TIA1: variants seen among roughly 807,000 people sequenced by gnomAD.
TIA1 encodes cytotoxic granule associated RNA binding protein TIA1.
A neutral mutation model predicts 65.9 loss-of-function variants in TIA1; 23 were observed. The observed-to-expected ratio is 0.35, with a 90% CI of 0.25 to 0.49. TIA1 has a LOEUF of 0.49. TIA1 is among the 20% of genes least tolerant of loss of function. The pLI, the probability that TIA1 is intolerant of heterozygous loss-of-function variation, is 0.98. For synonymous variants in TIA1, 147 were observed against 149.4 expected (o/e 0.98, Z 0.12); for missense variants, 371 against 477.9 (o/e 0.78, Z 2.09).
At chr2:70,228,775 A>C in intron 5 of TIA1, 1 of 1,324,916 alleles carries the variant, frequency 7.5e-7, no homozygotes, top group East Asian at 3.1e-5. Context: ...ATGAAGCCCA[A>C]ATGGTGACCT....
Position 70,224,399 on chromosome 2 carries a change from T to C in TIA1, c.474+155A>G. On this transcript the variant is annotated intron_variant, in intron 7 of 12. Coordinates refer to ENST00000433529, the MANE Select transcript of TIA1 (RefSeq NM_022173.4). ...TCTGCATGCCTCAGGTGCCAATAAA[T>C]GTTAAACAGACAAAACAGAAGAAAT... The C allele has an allele frequency of 9.3e-6, 10 of 1,078,618 alleles. No homozygotes were observed. The South Asian group carries it at 1.6e-4, about 18-fold the overall frequency. The allele number at this position is 1,078,618 out of a possible 1,614,324, so 66.8% of individuals were successfully genotyped here. A position where few individuals can be genotyped will look rare whatever the true frequency, so the allele number is the denominator to read the frequency against.
chr2:70,219,290 G>A (rs1252402643), intron 7 of TIA1, among the ~76,000 whole-genome samples: 3 of 152,154 alleles, frequency 2.0e-5, no homozygotes, highest in African/African-American at 7.2e-5. Context: ...GTATGGTCCA[G>A]GGAGCCAAGA....
Position 70,230,802 on chromosome 2 carries a change from G to A in TIA1, c.176C>T (p.Ala59Val). 1 of 1,612,722 alleles carries A rather than the reference G, an allele frequency of 6.2e-7. No homozygotes were observed. Among genetic ancestry groups the A allele is most frequent in the Non-Finnish European group, 8.5e-7 (1 of 1,179,554 alleles). Residue 59 changes from alanine (A) to valine (V), a missense_variant, in exon 3 of 13, where the codon GCA (alanine) becomes GTA (valine). Coordinates refer to ENST00000433529, the MANE Select transcript of TIA1 (RefSeq NM_022173.4). ...ATTCATAGCAGCTAATGCTGCAGCT[G>A]CATGACGATGCTCATGAAACTCCAC... ...CFVEFHEHRH[A>V]AAALAAMNGR... is the part of the protein sequence containing the mutation.
rs1353886161 is a variant in TIA1, at chr2:70,239,254, G to A, written c.27-3079C>T. Among the ~76,000 whole-genome samples, 6 of 152,114 alleles carry A rather than the reference G, an allele frequency of 3.9e-5. No homozygotes were observed. In the East Asian group the frequency reaches 9.7e-4, roughly 25 times the overall value. Reference sequence around the variant, plus strand: ...ACTACAGGCACCCGCCACCACGCCCGGCTAGTTTTTTGTATTTTTAGTAGA... The same window carrying A: ...ACTACAGGCACCCGCCACCACGCCCAGCTAGTTTTTTGTATTTTTAGTAGA... On this transcript the variant is annotated intron_variant, in intron 1 of 12. Transcript: ENST00000433529.
At chr2:70,224,701 C>T in intron 6 of TIA1, 72 bp from the exon 7 acceptor site, 1 of 1,568,290 alleles carries the variant, frequency 6.4e-7, no homozygotes, top group Non-Finnish European at 8.7e-7. Context: ...ATTTCACACA[C>T]AACTCATTCT....
intron 6 of TIA1, among the ~76,000 whole-genome samples, chr2:70,226,518 C>CA (rs1433933040): frequency 6.6e-6 from 1 of 152,096 alleles, no homozygotes; most frequent in Non-Finnish European, 1.5e-5. Flanking sequence ...GAAGCAGCAG[C>CA]AAAGATCTAG....
At chr2:70,225,014 T>C (rs1683190554) in intron 6 of TIA1, 6 of 996,140 alleles carry the variant, frequency 6.0e-6, no homozygotes, top group Non-Finnish European at 7.2e-6. Flanking sequence ...TGACACTATA[T>C]TCTACCTAAT....
At chr2:70,233,872 G>A (rs754937542) in intron 2 of TIA1, among the ~76,000 whole-genome samples, 17 of 151,880 alleles carry the variant, frequency 1.1e-4, no homozygotes, top group African/African-American at 2.2e-4. Flanking sequence ...AATAAGAATC[G>A]AAGCATATAT....
chr2:70,222,521 A>G (rs1681920248), intron 7 of TIA1, among the ~76,000 whole-genome samples: 1 of 152,224 alleles, frequency 6.6e-6, no homozygotes, highest in Admixed American at 6.5e-5. Flanking sequence ...GGTAATTGCA[A>G]TCAGGGCTGT....
chr2:70,213,946 C>T (rs1677450530), intron 12 of TIA1, among the ~76,000 whole-genome samples: 1 of 152,156 alleles, frequency 6.6e-6, no homozygotes, highest in African/African-American at 2.4e-5. Flanking sequence ...ACTACCACGC[C>T]CAGCCCACTA....
At chr2:70,226,912 A>T (rs1245282969) in intron 6 of TIA1, among the ~76,000 whole-genome samples, 1 of 152,142 alleles carries the variant, frequency 6.6e-6, no homozygotes, top group African/African-American at 2.4e-5. Context: ...CCTAAAATTC[A>T]CCAATACTAC....
At chr2:70,247,112 T>C (rs968505394) in intron 1 of TIA1, among the ~76,000 whole-genome samples, 1 of 152,132 alleles carries the variant, frequency 6.6e-6, no homozygotes, top group Non-Finnish European at 1.5e-5. Flanking sequence ...AGTAGTTTTT[T>C]AGGGAGTATT....
intron 4 of TIA1, 78 bp downstream of exon 4, chr2:70,229,182 CATGT>C: frequency 6.3e-7 from 1 of 1,597,948 alleles, no homozygotes; most frequent in South Asian, 1.1e-5. Context: ...TTACTGCAAA[CATGT>C]ATGATGTTTA....
At chr2:70,243,875 A>G (rs1403628114) in intron 1 of TIA1, among the ~76,000 whole-genome samples, 1 of 152,186 alleles carries the variant, frequency 6.6e-6, no homozygotes, top group African/African-American at 2.4e-5. Flanking sequence ...AATTACAGGC[A>G]CTGCTTTCTC....
intron 12 of TIA1, 96 bp downstream of exon 12, chr2:70,214,253 G>T (rs1677597426): frequency 7.6e-7 from 1 of 1,322,728 alleles, no homozygotes; most frequent in Non-Finnish European, 1.0e-6. Context: ...TTACATAAGA[G>T]GCCCTATTAC....
At chr2:70,230,973 A>G in intron 2 of TIA1, 119 bp from the exon 3 acceptor site, 2 of 664,428 alleles carry the variant, frequency 3.0e-6, no homozygotes, top group Non-Finnish European at 5.1e-6. Flanking sequence ...GGCCATGGAG[A>G]ATGAATGGTC....
chr2:70,223,053 C>T (rs1197407388), intron 7 of TIA1, among the ~76,000 whole-genome samples: 3 of 152,240 alleles, frequency 2.0e-5, no homozygotes. Flanking sequence ...CTAGTTCATA[C>T]TAAATACACA....
chr2:70,223,037 T>C (rs191404223), intron 7 of TIA1, among the ~76,000 whole-genome samples: 3 of 152,376 alleles, frequency 2.0e-5, no homozygotes, highest in Admixed American at 1.3e-4. Context: ...CCTTTGCTAT[T>C]TGACTCTAGT....
chr2:70,216,814 G>C (rs1359814731), intron 8 of TIA1, 72 bp downstream of exon 8: 1 of 1,610,908 alleles, frequency 6.2e-7, no homozygotes, highest in Admixed American at 1.7e-5. Flanking sequence ...TCCGGGAACA[G>C]CTCTAACATT....
Sources: allele counts gnomAD v4.1 joint callset (sites outside exome capture counted in the v4.1 genomes callset), GRCh38; gene constraint gnomAD v4.1.1; transcripts MANE v1.5; gene names NCBI Gene and HGNC (gene_info 2026-07-23, HGNC 2026-07-21).